SGMS1: variants seen among roughly 807,000 people sequenced by gnomAD.
SGMS1 encodes the protein sphingomyelin synthase 1.
Under a neutral mutation model 46.2 loss-of-function variants are expected in SGMS1, and 13 were observed. The ratio of observed to expected loss-of-function variants is 0.28; its 90% CI spans 0.18 to 0.45. The LOEUF (loss-of-function observed/expected upper bound fraction) is 0.45, where lower values mean the gene tolerates loss of function less well. Ranked by LOEUF, SGMS1 falls within the 20% of genes least tolerant of loss-of-function variation. The pLI is 1.00. For missense variants in SGMS1, 324 were observed against 519.9 expected (o/e 0.62, Z 3.66); for synonymous variants, 203 against 187.8 (o/e 1.08, Z -0.66).
chr10:50,471,947 G>C (rs532152682), intron 3 of SGMS1, among the ~76,000 whole-genome samples: 21 of 152,262 alleles, frequency 1.4e-4, no homozygotes, highest in African/African-American at 4.8e-4. Context: ...TGAGTTCTCA[G>C]TACATAAGAC....
intron 6 of SGMS1, among the ~76,000 whole-genome samples, chr10:50,399,771 G>C (rs142106916): frequency 0.016 from 2,512 of 152,272 alleles, 66 homozygotes; most frequent in African/African-American, 0.057. Flanking sequence ...GCTCACACCT[G>C]TAATCCCAGC....
intron 9 of SGMS1, among the ~76,000 whole-genome samples, chr10:50,309,310 A>T (rs1158752063): frequency 6.6e-6 from 1 of 152,178 alleles, no homozygotes; most frequent in African/African-American, 2.4e-5. Flanking sequence ...GTATCCATAT[A>T]TGCCATCTAA....
At chr10:50,319,733 G>A (rs1847409685) in intron 8 of SGMS1, among the ~76,000 whole-genome samples, 1 of 152,148 alleles carries the variant, frequency 6.6e-6, no homozygotes, top group African/African-American at 2.4e-5. Context: ...ATCCCTCTCA[G>A]TGCATCACAT....
chr10:50,430,321 AAT>A (rs1336955328), intron 6 of SGMS1, among the ~76,000 whole-genome samples: 8 of 152,270 alleles, frequency 5.3e-5, no homozygotes, highest in Non-Finnish European at 1.2e-4. Context: ...ATACATCTAC[AAT>A]TATGTAGATG....
chr10:50,384,987 C>T (rs549772601), intron 6 of SGMS1, among the ~76,000 whole-genome samples: 44 of 152,256 alleles, frequency 2.9e-4, no homozygotes, highest in African/African-American at 1.0e-3. Flanking sequence ...TATTTAGTGT[C>T]CCCTTAGTCT....
intron 3 of SGMS1, among the ~76,000 whole-genome samples, chr10:50,509,137 C>CAT (rs1837732689): frequency 6.6e-6 from 1 of 152,156 alleles, no homozygotes; most frequent in Non-Finnish European, 1.5e-5. Context: ...TAATCTTATA[C>CAT]ATATTGTTGA....
intron 6 of SGMS1, among the ~76,000 whole-genome samples, chr10:50,420,137 A>G (rs1849236092): frequency 6.6e-6 from 1 of 152,184 alleles, no homozygotes; most frequent in African/African-American, 2.4e-5. Flanking sequence ...AGCAACAGGT[A>G]CTTAAGTTGG....
intron 3 of SGMS1, among the ~76,000 whole-genome samples, chr10:50,508,589 C>T (rs1837726710): frequency 6.6e-6 from 1 of 152,206 alleles, no homozygotes; most frequent in African/African-American, 2.4e-5. Context: ...GCAGGGAGAC[C>T]TCTTTAAGTA....
chr10:50,534,485 C>T, intron 2 of SGMS1, among the ~76,000 whole-genome samples: 1 of 152,254 alleles, frequency 6.6e-6, no homozygotes, highest in Middle Eastern at 3.4e-3. Flanking sequence ...ACACAGGGAA[C>T]CATTATCCAT....
rs531098304 is a variant in SGMS1 at position 50,325,242 on chromosome 10, T to C, written c.741+1963A>G. On this transcript the variant is annotated intron_variant, in intron 8 of 10. Transcript: ENST00000361781. Reference sequence around the variant, plus strand: ...GTGTTGGGTTTATGGGAGTTCCTTATAGCAGTTGGGATACATGTGAAAGTT... The same window carrying C: ...GTGTTGGGTTTATGGGAGTTCCTTACAGCAGTTGGGATACATGTGAAAGTT... Among the ~76,000 whole-genome samples, 4 of 152,338 alleles carry C rather than the reference T, an allele frequency of 2.6e-5. No individual in the cohort carries two copies. In the Middle Eastern group the frequency reaches 0.01, roughly 389 times the overall value.
At chr10:50,492,343 A>G (rs1837574409) in intron 3 of SGMS1, among the ~76,000 whole-genome samples, 1 of 152,154 alleles carries the variant, frequency 6.6e-6, no homozygotes, top group African/African-American at 2.4e-5. Flanking sequence ...GAAAGAAATA[A>G]TGCGAAGAGA....
At chr10:50,367,703 A>C (rs747662589) in intron 6 of SGMS1, among the ~76,000 whole-genome samples, 1 of 152,228 alleles carries the variant, frequency 6.6e-6, no homozygotes, top group Non-Finnish European at 1.5e-5. Context: ...CAATCAATTC[A>C]TTACATCCTT....
At chr10:50,580,252 T>G (rs1306380360) in intron 2 of SGMS1, among the ~76,000 whole-genome samples, 1 of 152,078 alleles carries the variant, frequency 6.6e-6, no homozygotes, top group Admixed American at 6.5e-5. Context: ...CTTGTGGAAC[T>G]ATGGAATCCT....
chr10:50,376,558 T>A (rs2842111), intron 6 of SGMS1, among the ~76,000 whole-genome samples: 104,951 of 152,018 alleles, frequency 0.69, 36,473 homozygotes, highest in Middle Eastern at 0.81. Context: ...CATTAGGTAT[T>A]TCTCCTAATG....
At chr10:50,442,520 G>A (rs1023626614) in intron 5 of SGMS1, among the ~76,000 whole-genome samples, 1 of 152,128 alleles carries the variant, frequency 6.6e-6, no homozygotes, top group Admixed American at 6.6e-5. Flanking sequence ...ACATGATCCT[G>A]TTCTTTTGGA....
intron 3 of SGMS1, among the ~76,000 whole-genome samples, chr10:50,510,296 C>A (rs541189489): frequency 6.6e-6 from 1 of 152,234 alleles, no homozygotes; most frequent in Admixed American, 6.5e-5. Flanking sequence ...AGTTGAAGGA[C>A]AATTACATTT....
intron 6 of SGMS1, among the ~76,000 whole-genome samples, chr10:50,373,355 A>G (rs16930584): frequency 0.02 from 2,993 of 152,342 alleles, 86 homozygotes; most frequent in African/African-American, 0.065. Context: ...AACTGCAGGC[A>G]TCACTGTCCT....
intron 2 of SGMS1, among the ~76,000 whole-genome samples, chr10:50,549,518 C>T (rs1838130856): frequency 6.6e-6 from 1 of 151,992 alleles, no homozygotes; most frequent in Admixed American, 6.6e-5. Flanking sequence ...AGGAGGGGAA[C>T]AACACATATT....
At chr10:50,550,536 C>T (rs1411979873) in intron 2 of SGMS1, among the ~76,000 whole-genome samples, 1 of 152,146 alleles carries the variant, frequency 6.6e-6, no homozygotes, top group East Asian at 1.9e-4. Context: ...CTTCTACTGC[C>T]CTTCCTCCCA....
Sources: gnomAD v4.1 joint callset for allele counts (sites outside exome capture counted in the v4.1 genomes callset) on GRCh38, gnomAD v4.1.1 for gene constraint, MANE v1.5 for transcripts, NCBI Gene and HGNC (gene_info 2026-07-23, HGNC 2026-07-21) for gene names.